INPP4B: variants seen among roughly 807,000 people sequenced by gnomAD.
INPP4B encodes the protein inositol polyphosphate-4-phosphatase type II B.
INPP4B carries 55 observed loss-of-function variants against 122.5 expected under a neutral mutation model. The observed-to-expected ratio is 0.45, with a 90% confidence interval of 0.36 to 0.56. The LOEUF (loss-of-function observed/expected upper bound fraction) is 0.56, where lower values mean the gene tolerates loss of function less well. INPP4B is among the 20% of genes least tolerant of loss of function. The pLI is 0.00. For synonymous variants in INPP4B, 403 were observed against 388.7 expected (o/e 1.04, Z -0.43); for missense variants, 1,000 against 1,097.7 (o/e 0.91, Z 1.26).
At chr4:142,731,657 T>C (rs1296221910) in intron 1 of INPP4B, among the ~76,000 whole-genome samples, 1 of 152,162 alleles carries the variant, frequency 6.6e-6, no homozygotes, top group Non-Finnish European at 1.5e-5. Flanking sequence ...GAAGTCTTCA[T>C]TTCCCTTCTT....
At chr4:142,545,453 T>C (rs1194272014) in intron 2 of INPP4B, among the ~76,000 whole-genome samples, 2 of 152,034 alleles carry the variant, frequency 1.3e-5, no homozygotes, top group African/African-American at 2.4e-5. Context: ...ATGTGACAGA[T>C]AGATTCAGAG....
chr4:142,030,940 A>G (rs955445863), intron 25 of INPP4B, among the ~76,000 whole-genome samples: 12 of 152,282 alleles, frequency 7.9e-5, no homozygotes, highest in African/African-American at 2.9e-4. Flanking sequence ...CCTCCTGCTC[A>G]TCTTCTTTAG....
At chr4:142,242,354 C>T (rs1312498011) in intron 11 of INPP4B, among the ~76,000 whole-genome samples, 1 of 152,102 alleles carries the variant, frequency 6.6e-6, no homozygotes, top group African/African-American at 2.4e-5. Context: ...AACCCACAAG[C>T]TCCTGGCCAA....
intron 12 of INPP4B, among the ~76,000 whole-genome samples, chr4:142,234,575 T>G (rs749777833): frequency 3.9e-5 from 6 of 152,206 alleles, no homozygotes; most frequent in Non-Finnish European, 7.4e-5. Context: ...TATAAAATGT[T>G]AAACATTAAT....
chr4:142,104,257 A>G (rs1162173614), intron 23 of INPP4B, among the ~76,000 whole-genome samples: 9 of 152,146 alleles, frequency 5.9e-5, no homozygotes, highest in Admixed American at 5.9e-4. Flanking sequence ...TGAATCATGT[A>G]TGAGACGCAG....
At position 142,562,025 on chromosome 4, in the gene INPP4B, CT is replaced by C. The variant is rs150729828; in HGVS notation, c.-190-99300del. 6.3e-4 allele frequency among the ~76,000 whole-genome samples: 95 copies of C among 151,338 alleles called. 3 individuals carry two copies. In the East Asian group the frequency reaches 0.017, roughly 27 times the overall value. On this transcript the variant is annotated intron_variant, in intron 2 of 25. Transcript: ENST00000262992. ...TTTCTTTTGATTAAGATCCTCACTT[CT>C]CACAGGGGGAAAAAGAGGAAAAGCG...
At chr4:142,317,510 T>C (rs1389889514) in intron 7 of INPP4B, 20 of 251,664 alleles carry the variant, frequency 7.9e-5, no homozygotes, top group Admixed American at 7.8e-4. Flanking sequence ...AGGGAGATGG[T>C]GTTGTCCTGG....
In INPP4B at chr4:142,846,054, C is replaced by T. The variant is rs1190789091; in HGVS notation, c.-254+155G>A. 2.0e-5 allele frequency among the ~76,000 whole-genome samples: 3 copies of T among 151,968 alleles called. No homozygotes were observed. Among genetic ancestry groups the T allele is most frequent in the African/African-American group, 4.8e-5 (2 of 41,396 alleles). On this transcript the variant is annotated intron_variant, in intron 1 of 25. Coordinates refer to ENST00000262992, the MANE Select transcript of INPP4B (RefSeq NM_001101669.3). The surrounding 1 kb of genome is among the most constrained non-coding windows in gnomAD (Gnocchi z 5.1). Reference sequence around the variant, plus strand: ...TGGAGGGGTGATGGAGGCTGCAAGACGGAGAAACTTGATGCAAAACAGACA... The same window carrying T: ...TGGAGGGGTGATGGAGGCTGCAAGATGGAGAAACTTGATGCAAAACAGACA...
At chr4:142,244,078 C>G (rs1860860732) in intron 11 of INPP4B, among the ~76,000 whole-genome samples, 1 of 151,088 alleles carries the variant, frequency 6.6e-6, no homozygotes, top group African/African-American at 2.4e-5. Context: ...CACCCCCTGA[C>G]AGGTCCCAGT....
At position 142,706,625 on chromosome 4, in the gene INPP4B, A is replaced by T. The variant is rs141086878; in HGVS notation, c.-191+19214T>A. ...CTGCAATCATCCTAGGCTAAGGCTA[A>T]ACAAGCAAGCTTGGCTTTACTGCAT... On this transcript the variant is annotated intron_variant, in intron 2 of 25. Coordinates refer to ENST00000262992, the MANE Select transcript of INPP4B (RefSeq NM_001101669.3). Among the ~76,000 whole-genome samples the T allele has an allele frequency of 2.5e-3, 386 of 152,366 alleles. 5 individuals are homozygous for T. The highest frequency in any genetic ancestry group is 0.018 in the East Asian group (95 of 5,170).
intron 11 of INPP4B, among the ~76,000 whole-genome samples, chr4:142,252,822 G>C (rs1329328342): frequency 6.6e-6 from 1 of 152,234 alleles, no homozygotes; most frequent in Admixed American, 6.5e-5. Context: ...AGTGTTTCTT[G>C]TTTTGGATAA....
chr4:142,600,714 T>C (rs1279433112), intron 2 of INPP4B, among the ~76,000 whole-genome samples: 1 of 152,076 alleles, frequency 6.6e-6, no homozygotes, highest in Non-Finnish European at 1.5e-5. Flanking sequence ...AACTCTTGAA[T>C]ATAAATTGAT....
At chr4:142,253,412 C>T (rs996027476) in intron 11 of INPP4B, among the ~76,000 whole-genome samples, 5 of 152,222 alleles carry the variant, frequency 3.3e-5, no homozygotes, top group African/African-American at 1.2e-4. Context: ...ATGCAGAAGA[C>T]AGGTGATTTC....
intron 25 of INPP4B, among the ~76,000 whole-genome samples, chr4:142,080,709 CA>C (rs2152523249): frequency 6.6e-6 from 1 of 152,200 alleles, no homozygotes; most frequent in African/African-American, 2.4e-5. Context: ...AATAAACAGG[CA>C]CACCAATTTC....
intron 3 of INPP4B, among the ~76,000 whole-genome samples, chr4:142,436,770 T>C (rs1468676591): frequency 1.3e-5 from 2 of 150,286 alleles, no homozygotes; most frequent in East Asian, 2.0e-4. Flanking sequence ...GCCTCAAAGA[T>C]TGAAACTAGA....
At chr4:142,560,956 A>G (rs146090047) in intron 2 of INPP4B, among the ~76,000 whole-genome samples, 532 of 152,346 alleles carry the variant, frequency 3.5e-3, no homozygotes, top group African/African-American at 0.012. Context: ...ATAGGTTGAT[A>G]AAATCTTGAC....
intron 2 of INPP4B, among the ~76,000 whole-genome samples, chr4:142,536,889 C>T (rs1279585250): frequency 1.3e-5 from 2 of 152,070 alleles, no homozygotes; most frequent in South Asian, 2.1e-4. Context: ...CTCTGCCTCC[C>T]GGGTTCAAGC....
intron 9 of INPP4B, among the ~76,000 whole-genome samples, chr4:142,299,899 A>G (rs1202868932): frequency 6.6e-6 from 1 of 152,108 alleles, no homozygotes; most frequent in Non-Finnish European, 1.5e-5. Flanking sequence ...TTTTAAAGTC[A>G]TCTCTGAAGT....
Position 142,672,801 on chromosome 4 carries a change from C to A in INPP4B, c.-191+53038G>T, listed in dbSNP as rs935509856. ...CTTTTAGTATCATAGCTAAGGAAATCTTTACGTAATCAAAAGTCTTGAAGA... is the reference window on the plus strand; with the variant it reads ...CTTTTAGTATCATAGCTAAGGAAATATTTACGTAATCAAAAGTCTTGAAGA... On this transcript the variant is annotated intron_variant, in intron 2 of 25. Coordinates refer to ENST00000262992, the MANE Select transcript of INPP4B (RefSeq NM_001101669.3). Among the ~76,000 whole-genome samples, 74 of 152,032 alleles carry A rather than the reference C, an allele frequency of 4.9e-4. 1 individual carries two copies. Among genetic ancestry groups the A allele is most frequent in the Non-Finnish European group, 7.5e-4 (51 of 68,008 alleles).
Sources: allele counts gnomAD v4.1 joint callset (sites outside exome capture counted in the v4.1 genomes callset), GRCh38; gene constraint gnomAD v4.1.1; non-coding constraint Gnocchi (gnomAD v3.1); transcripts MANE v1.5; gene names NCBI Gene and HGNC (gene_info 2026-07-23, HGNC 2026-07-21).